DENND1B: variants seen among roughly 807,000 people sequenced by gnomAD.
The protein encoded by DENND1B is DENN domain containing 1B.
A neutral mutation model predicts 90.1 loss-of-function variants in DENND1B; 59 were observed. That is an observed-to-expected ratio of 0.65 (90% confidence interval 0.53 to 0.81). The LOEUF (loss-of-function observed/expected upper bound fraction) is 0.81. DENND1B is among the 40% of genes least tolerant of loss of function. The probability of loss-of-function intolerance (pLI) is 0.00; values close to 1 mark genes in which losing one functional copy is unlikely to be tolerated. For synonymous variants in DENND1B, 337 were observed against 324.6 expected, an observed-to-expected ratio of 1.04 and a Z score of -0.41; for missense variants, 862 against 912.6, an observed-to-expected ratio of 0.94 and a Z score of 0.71.
At chr1:197,699,900 C>A (rs957909012) in intron 3 of DENND1B, among the ~76,000 whole-genome samples, 2 of 152,106 alleles carry the variant, frequency 1.3e-5, no homozygotes, top group African/African-American at 4.8e-5. Context: ...ATACAGCTAA[C>A]AAGGGACGTG....
At chr1:197,537,142 A>G (rs761094900) in intron 20 of DENND1B, among the ~76,000 whole-genome samples, 1 of 152,168 alleles carries the variant, frequency 6.6e-6, no homozygotes, top group South Asian at 2.1e-4. Flanking sequence ...CTGGGTATAC[A>G]TGTTTCCTGA....
At chr1:197,521,897 A>G (rs1668802878) in intron 20 of DENND1B, among the ~76,000 whole-genome samples, 2 of 152,066 alleles carry the variant, frequency 1.3e-5, no homozygotes, top group African/African-American at 4.8e-5. Flanking sequence ...GGAAACCAAA[A>G]GATTAACAAA....
intron 2 of DENND1B, among the ~76,000 whole-genome samples, chr1:197,756,600 A>G (rs1048003406): frequency 6.6e-6 from 1 of 151,018 alleles, no homozygotes; most frequent in African/African-American, 2.4e-5. Context: ...AAAAAAAAAA[A>G]AAATATGCCC....
intron 14 of DENND1B, among the ~76,000 whole-genome samples, chr1:197,590,451 CA>C (rs111356782): frequency 3.3e-5 from 5 of 151,002 alleles, no homozygotes; most frequent in East Asian, 1.9e-4. Context: ...GGCTAAAATC[CA>C]AAAAAAAGAG....
At chr1:197,529,512 C>T (rs1296956313) in intron 20 of DENND1B, among the ~76,000 whole-genome samples, 1 of 151,262 alleles carries the variant, frequency 6.6e-6, no homozygotes, top group East Asian at 2.0e-4. Context: ...CTGTTAATGT[C>T]GACTTGTAAT....
intron 14 of DENND1B, among the ~76,000 whole-genome samples, chr1:197,589,890 G>A (rs568131261): frequency 4.3e-4 from 65 of 152,184 alleles, no homozygotes; most frequent in Admixed American, 2.9e-3. Context: ...TTACTTCTGT[G>A]CTCTCAGGCA....
Position 197,672,167 on chromosome 1 carries a change from G to C in DENND1B, c.177-11C>G, listed in dbSNP as rs1162925794. On this transcript the variant is annotated splice_polypyrimidine_tract_variant and intron_variant, in intron 4 of 22. Transcript: ENST00000620048. ...TGATTCTGAGACACCCTAAAATATA[G>C]TAACATTAGGAAACATTGTGCCTTG... 1 of 1,597,408 alleles carries C rather than the reference G, an allele frequency of 6.3e-7. No individual in the cohort carries two copies. Among genetic ancestry groups the C allele is most frequent in the Admixed American group, 1.8e-5 (1 of 56,356 alleles).
intron 10 of DENND1B, among the ~76,000 whole-genome samples, chr1:197,635,772 CA>C (rs1679731959): frequency 6.6e-6 from 1 of 152,100 alleles, no homozygotes; most frequent in African/African-American, 2.4e-5. Context: ...GTTACTCATA[CA>C]AACTAAGCCT....
chr1:197,629,298 C>A (rs2125892174), intron 10 of DENND1B, among the ~76,000 whole-genome samples: 1 of 152,024 alleles, frequency 6.6e-6, no homozygotes, highest in South Asian at 2.1e-4. Flanking sequence ...CAATGATAGA[C>A]TGGATTAAGA....
chr1:197,764,090 G>A (rs534803042), intron 2 of DENND1B, among the ~76,000 whole-genome samples: 1 of 152,300 alleles, frequency 6.6e-6, no homozygotes, highest in South Asian at 2.1e-4. Context: ...TAAAGTTGCT[G>A]CAGAAGATTT....
At position 197,684,632 on chromosome 1, in the gene DENND1B, T is replaced by C. The variant is rs556445919; in HGVS notation, c.127-10463A>G. On this transcript the variant is annotated intron_variant, in intron 3 of 22. Transcript: ENST00000620048. The stretch of plus-strand genomic sequence containing the variant: ...GTCTTATCTGCCATAGATTGTTCTA[T>C]TCCCTTGAAATTATACCGTGAGGCC... Among the ~76,000 whole-genome samples the C allele has an allele frequency of 4.6e-5, 7 of 152,304 alleles. No homozygotes were observed. The South Asian group carries it at 1.4e-3, about 32-fold the overall frequency.
chr1:197,563,368 C>T (rs1214998920), intron 15 of DENND1B, among the ~76,000 whole-genome samples: 1 of 151,984 alleles, frequency 6.6e-6, no homozygotes, highest in Non-Finnish European at 1.5e-5. Flanking sequence ...GAAGCCAATG[C>T]TCATTTGCCA....
intron 2 of DENND1B, among the ~76,000 whole-genome samples, chr1:197,717,232 C>T (rs1257903535): frequency 5.9e-5 from 9 of 151,932 alleles, no homozygotes; most frequent in African/African-American, 1.2e-4. Context: ...AAAAATAATC[C>T]GATTCAACAA....
intron 2 of DENND1B, among the ~76,000 whole-genome samples, chr1:197,762,368 G>A (rs1347913071): frequency 6.6e-6 from 1 of 151,824 alleles, no homozygotes; most frequent in African/African-American, 2.4e-5. Flanking sequence ...GCGGGTTCAC[G>A]CCATCCTCCT....
chr1:197,669,490 G>A (rs2125980717), intron 5 of DENND1B, among the ~76,000 whole-genome samples: 2 of 152,150 alleles, frequency 1.3e-5, no homozygotes, highest in East Asian at 3.9e-4. Context: ...TTCTGAATAA[G>A]ATGCTGAATT....
intron 20 of DENND1B, among the ~76,000 whole-genome samples, chr1:197,521,195 T>G (rs1418885989): frequency 1.3e-4 from 20 of 151,912 alleles, no homozygotes; most frequent in Admixed American, 1.3e-3. Flanking sequence ...GAAATAAGTT[T>G]AGTTTCGTTA....
At chr1:197,714,720 T>C (rs576371397) in intron 3 of DENND1B, among the ~76,000 whole-genome samples, 3 of 152,152 alleles carry the variant, frequency 2.0e-5, no homozygotes, top group Non-Finnish European at 4.4e-5. Flanking sequence ...GTCAACTTTT[T>C]ATTGTTTTTA....
At chr1:197,716,364 T>C (rs565345556) in intron 2 of DENND1B, among the ~76,000 whole-genome samples, 4 of 151,776 alleles carry the variant, frequency 2.6e-5, no homozygotes, top group Admixed American at 2.0e-4. Context: ...ATTTAAAACA[T>C]CTTATATAAG....
intron 10 of DENND1B, among the ~76,000 whole-genome samples, chr1:197,621,147 A>C (rs1678120090): frequency 6.6e-6 from 1 of 151,326 alleles, no homozygotes; most frequent in Non-Finnish European, 1.5e-5. Flanking sequence ...GGTCAGATAG[A>C]GAAGCAGAAT....
Sources: gnomAD v4.1 joint callset for allele counts (sites outside exome capture counted in the v4.1 genomes callset) on GRCh38, gnomAD v4.1.1 for gene constraint, MANE v1.5 for transcripts, NCBI Gene and HGNC (gene_info 2026-07-23, HGNC 2026-07-21) for gene names.